The following DNER variants were observed in gnomAD, a reference collection of about 807,000 sequenced individuals.
The protein encoded by DNER is delta and Notch-like epidermal growth factor-related receptor.
DNER carries 33 observed loss-of-function variants against 78.2 expected under a neutral mutation model. That is an observed-to-expected ratio of 0.42 (90% CI 0.32 to 0.56). The LOEUF (loss-of-function observed/expected upper bound fraction) is 0.56, where lower values mean the gene tolerates loss of function less well. DNER is among the 20% of genes least tolerant of loss of function. The pLI is 0.11. For synonymous variants in DNER, 417 were observed against 384.8 expected (o/e 1.08, Z -0.98); for missense variants, 918 against 975.3 (o/e 0.94, Z 0.78).
intron 4 of DNER, among the ~76,000 whole-genome samples, chr2:229,556,899 C>G (rs1320697369): frequency 6.6e-6 from 1 of 152,218 alleles, no homozygotes; most frequent in Non-Finnish European, 1.5e-5. Context: ...TCAATAAGAA[C>G]AGTGGCTGGA....
chr2:229,623,974 T>C (rs1443305989), intron 1 of DNER, among the ~76,000 whole-genome samples: 1 of 152,210 alleles, frequency 6.6e-6, no homozygotes, highest in African/African-American at 2.4e-5. Context: ...CCAACAGCCA[T>C]GGTGGGGCTT....
intron 9 of DNER, among the ~76,000 whole-genome samples, chr2:229,415,508 G>A (rs561770270): frequency 9.9e-5 from 15 of 152,198 alleles, no homozygotes; most frequent in East Asian, 3.9e-4. Flanking sequence ...TACAGAAGGC[G>A]GATCTACTTT....
At chr2:229,423,426 T>C (rs760523247) in intron 8 of DNER, among the ~76,000 whole-genome samples, 1 of 151,798 alleles carries the variant, frequency 6.6e-6, no homozygotes, top group African/African-American at 2.4e-5. Context: ...ACCAGCCTGA[T>C]CAACATGGTG....
intron 5 of DNER, among the ~76,000 whole-genome samples, chr2:229,537,942 C>T (rs765851948): frequency 1.3e-5 from 2 of 152,108 alleles, no homozygotes; most frequent in Non-Finnish European, 2.9e-5. Flanking sequence ...GGCGATGATA[C>T]AATCATCCTT....
intron 4 of DNER, among the ~76,000 whole-genome samples, chr2:229,561,621 C>A (rs1453670414): frequency 6.6e-6 from 1 of 152,144 alleles, no homozygotes; most frequent in Non-Finnish European, 1.5e-5. Context: ...AATTTCTATT[C>A]CCATAGTAAA....
intron 7 of DNER, among the ~76,000 whole-genome samples, chr2:229,476,632 C>G (rs992226377): frequency 6.6e-6 from 1 of 152,084 alleles, no homozygotes; most frequent in Non-Finnish European, 1.5e-5. Context: ...ATTTTGTGAA[C>G]ACCAGCTTGA....
intron 6 of DNER, among the ~76,000 whole-genome samples, chr2:229,500,366 A>G (rs949771922): frequency 2.6e-5 from 4 of 152,224 alleles, no homozygotes; most frequent in African/African-American, 9.6e-5. Context: ...CAGAATAGCT[A>G]TTATCAAAAA....
Position 229,605,397 on chromosome 2 carries a change from T to C in DNER, c.277-13509A>G, listed in dbSNP as rs560393233. 2.6e-5 allele frequency among the ~76,000 whole-genome samples: 4 copies of C among 152,322 alleles called. 1 individual carries two copies. The South Asian group carries it at 6.2e-4, about 24-fold the overall frequency. On this transcript the variant is annotated intron_variant, in intron 1 of 12. Transcript: ENST00000341772. ...TATAATTGTATCTAATGAAGCAGTATGGCAAAGGTACTGTAGCTTTGAAGA... is the reference window on the plus strand; with the variant it reads ...TATAATTGTATCTAATGAAGCAGTACGGCAAAGGTACTGTAGCTTTGAAGA...
intron 1 of DNER, among the ~76,000 whole-genome samples, chr2:229,699,137 T>C (rs1418149318): frequency 6.6e-6 from 1 of 152,132 alleles, no homozygotes; most frequent in Non-Finnish European, 1.5e-5. Flanking sequence ...TATTATCCAA[T>C]AATGCCATTA....
At chr2:229,573,505 G>A (rs1050802014) in intron 4 of DNER, among the ~76,000 whole-genome samples, 1 of 152,152 alleles carries the variant, frequency 6.6e-6, no homozygotes, top group African/African-American at 2.4e-5. Context: ...AAAAGTAAAT[G>A]ATCATCTCTA....
At chr2:229,367,403 C>G (rs1040592725) in intron 11 of DNER, among the ~76,000 whole-genome samples, 1 of 151,904 alleles carries the variant, frequency 6.6e-6, no homozygotes, top group Non-Finnish European at 1.5e-5. Flanking sequence ...GAGTTTGAGA[C>G]CAGCCTGGCC....
intron 8 of DNER, among the ~76,000 whole-genome samples, chr2:229,432,755 A>G (rs1335941604): frequency 6.6e-6 from 1 of 152,154 alleles, no homozygotes; most frequent in Non-Finnish European, 1.5e-5. Flanking sequence ...GAACTCCATG[A>G]CTTAAACCCT....
intron 12 of DNER, among the ~76,000 whole-genome samples, chr2:229,364,844 CTTTTT>C: frequency 1.3e-5 from 1 of 75,486 alleles, no homozygotes; most frequent in East Asian, 3.5e-4. Context: ...CTCTCTCTCT[CTTTTT>C]TTTTTTTTTT....
At chr2:229,565,135 C>T (rs1419959366) in intron 4 of DNER, among the ~76,000 whole-genome samples, 7 of 152,178 alleles carry the variant, frequency 4.6e-5, no homozygotes, top group South Asian at 2.1e-4. Flanking sequence ...ACTCAATGTA[C>T]GGCAGGTCCT....
chr2:229,524,958 G>A (rs1476633161), intron 5 of DNER, among the ~76,000 whole-genome samples: 2 of 152,146 alleles, frequency 1.3e-5, no homozygotes, highest in Non-Finnish European at 2.9e-5. Flanking sequence ...TGGATGTGAC[G>A]AACTCCCTTC....
At chr2:229,645,098 G>C (rs184602754) in intron 1 of DNER, among the ~76,000 whole-genome samples, 1 of 152,234 alleles carries the variant, frequency 6.6e-6, no homozygotes, top group Non-Finnish European at 1.5e-5. Context: ...CTGGGCCCAA[G>C]CAATCATCCT....
At chr2:229,584,858 T>C (rs1279127580) in intron 4 of DNER, among the ~76,000 whole-genome samples, 2 of 132,518 alleles carry the variant, frequency 1.5e-5, no homozygotes, top group Admixed American at 1.7e-4. Flanking sequence ...TGCTTGAACC[T>C]GGGAGGCCAA....
chr2:229,612,679 G>A (rs982204412), intron 1 of DNER, among the ~76,000 whole-genome samples: 2 of 152,254 alleles, frequency 1.3e-5, no homozygotes, highest in African/African-American at 4.8e-5. Flanking sequence ...GAGTTACCAG[G>A]CTATTTGGCC....
chr2:229,448,325 T>C (rs1694383054), intron 7 of DNER, among the ~76,000 whole-genome samples: 1 of 152,174 alleles, frequency 6.6e-6, no homozygotes, highest in African/African-American at 2.4e-5. Flanking sequence ...AGCAAATCTG[T>C]AGATACAGAA....
Sources: gnomAD v4.1 joint callset for allele counts (sites outside exome capture counted in the v4.1 genomes callset) on GRCh38, gnomAD v4.1.1 for gene constraint, MANE v1.5 for transcripts, NCBI Gene and HGNC (gene_info 2026-07-23, HGNC 2026-07-21) for gene names.